PLXNA2: variants seen among roughly 807,000 people sequenced by gnomAD.
PLXNA2 encodes plexin A2.
PLXNA2 carries 91 observed loss-of-function variants against 193.5 expected under a neutral mutation model. That is an observed-to-expected ratio of 0.47 (90% CI 0.40 to 0.56). The LOEUF (loss-of-function observed/expected upper bound fraction) is 0.56. PLXNA2 is among the 20% of genes least tolerant of loss of function. The probability of loss-of-function intolerance (pLI) is 0.00; values close to 1 mark genes in which losing one functional copy is unlikely to be tolerated. For synonymous variants in PLXNA2, 997 were observed against 1,027.3 expected, an observed-to-expected ratio of 0.97 and a Z score of 0.56; for missense variants, 1,995 against 2,503.2, an observed-to-expected ratio of 0.80 and a Z score of 4.33.
intron 13 of PLXNA2, 118 bp from the exon 14 acceptor site, chr1:208,054,656 ACT>A (rs1665369573): frequency 1.4e-6 from 1 of 723,908 alleles, no homozygotes; most frequent in Admixed American, 2.1e-5. Context: ...CCAGACCAAG[ACT>A]CAGCTTGGTC....
intron 9 of PLXNA2, among the ~76,000 whole-genome samples, chr1:208,090,217 G>T (rs1311106587): frequency 2.0e-5 from 3 of 152,130 alleles, no homozygotes; most frequent in Non-Finnish European, 4.4e-5. Context: ...AGGGACCAAT[G>T]CACACGAGCA....
At chr1:208,088,237 G>A (rs547471916) in intron 9 of PLXNA2, among the ~76,000 whole-genome samples, 7 of 152,316 alleles carry the variant, frequency 4.6e-5, no homozygotes, top group African/African-American at 1.7e-4. Context: ...GGGAGAGCAG[G>A]GACCTGGTTT....
chr1:208,104,688 T>G (rs1430495743), intron 4 of PLXNA2, among the ~76,000 whole-genome samples: 2 of 152,040 alleles, frequency 1.3e-5, no homozygotes, highest in Non-Finnish European at 2.9e-5. Context: ...GGGAGAGAGA[T>G]GAGCCTGCCT....
At chr1:208,074,139 T>G (rs1050526912) in intron 12 of PLXNA2, among the ~76,000 whole-genome samples, 3 of 152,198 alleles carry the variant, frequency 2.0e-5, no homozygotes, top group Non-Finnish European at 4.4e-5. Context: ...AAATATTCAG[T>G]CTCTTCCTTT....
chr1:208,057,327 C>T (rs1458940283), intron 13 of PLXNA2, among the ~76,000 whole-genome samples: 2 of 152,138 alleles, frequency 1.3e-5, no homozygotes. Flanking sequence ...CAGGTCAGCT[C>T]GACTCCAGAG....
Position 208,027,294 on chromosome 1 carries a change from C to A in PLXNA2, c.5634G>T (p.Arg1878=). ...TGAGCTGCTCCACCTTATAAGCCAG[C>A]CGCTGCCGCCGTGCCTGCTCATCCT... The part of the protein sequence containing the change: ...LEQDEQARRQ[R]LAYKVEQLIN... Residue 1878 remains arginine (R), a synonymous_variant, in exon 32 of 32, where the codon CGG becomes CGT. Transcript: ENST00000367033. The A allele has an allele frequency of 6.2e-7, 1 of 1,613,574 alleles. No homozygotes were observed. The highest frequency in any genetic ancestry group is 8.5e-7 in the Non-Finnish European group (1 of 1,179,980).
chr1:208,153,714 G>T (rs939298394), intron 3 of PLXNA2, among the ~76,000 whole-genome samples: 4 of 152,210 alleles, frequency 2.6e-5, no homozygotes, highest in Admixed American at 6.5e-5. Context: ...TGAGGAACAG[G>T]GTAAGAGGAG....
intron 3 of PLXNA2, among the ~76,000 whole-genome samples, chr1:208,193,819 A>G (rs139920328): frequency 2.3e-4 from 35 of 152,248 alleles, no homozygotes; most frequent in African/African-American, 7.7e-4. Flanking sequence ...CTTAAGCACA[A>G]GAGATTGAGG....
chr1:208,152,668 T>TACACACAC (rs10564360), intron 3 of PLXNA2, among the ~76,000 whole-genome samples: 2 of 137,542 alleles, frequency 1.5e-5, no homozygotes, highest in Non-Finnish European at 3.1e-5. Flanking sequence ...TGCATACACA[T>TACACACAC]ACACACACAC....
At chr1:208,225,018 C>T (rs893321237) in intron 1 of PLXNA2, among the ~76,000 whole-genome samples, 8 of 152,124 alleles carry the variant, frequency 5.3e-5, no homozygotes, top group African/African-American at 1.7e-4. Context: ...ATACTCCAGG[C>T]GGTGAGGCAG....
Position 208,044,961 on chromosome 1 carries a change from G to A in PLXNA2, c.3639+106C>T. On this transcript the variant is annotated intron_variant, in intron 19 of 31. Transcript: ENST00000367033. This position sits in a 1 kb window ranked among gnomAD's most constrained non-coding sequence, Gnocchi z 4.9. The stretch of plus-strand genomic sequence containing the variant: ...TAGGACCCAGAGATGAGGAGATATG[G>A]AGGGGGTGAGTCAGGCAACGAGACA... 4 of 1,334,204 alleles carry A rather than the reference G, an allele frequency of 3.0e-6. No individual in the cohort carries two copies. The highest frequency in any genetic ancestry group is 4.6e-5 in the East Asian group (2 of 43,300). The allele number at this position is 1,334,204 out of a possible 1,614,324, so 82.6% of individuals were successfully genotyped here. A position where few individuals can be genotyped will look rare whatever the true frequency, so the allele number is the denominator to read the frequency against.
At chr1:208,128,095 G>A (rs528531916) in intron 4 of PLXNA2, among the ~76,000 whole-genome samples, 40 of 152,256 alleles carry the variant, frequency 2.6e-4, no homozygotes, top group African/African-American at 8.9e-4. Context: ...GCCAAGAACT[G>A]ACTAGATCAA....
At chr1:208,224,901 C>T (rs374831086) in intron 1 of PLXNA2, among the ~76,000 whole-genome samples, 3 of 152,112 alleles carry the variant, frequency 2.0e-5, no homozygotes, top group East Asian at 1.9e-4. Flanking sequence ...ATATGCGATT[C>T]GTTTCACAGG....
Position 208,042,259 on chromosome 1 carries a change from C to CA in PLXNA2, c.4124_4125insT (p.Gln1375HisfsTer29). ...CCCGGTCGCGCATGGAGAAACTGCG[C>CA]TGCAGCTCCAGGGTGCGGATGAAGG... On this transcript the variant is annotated frameshift_variant, in exon 22 of 32. Coordinates refer to ENST00000367033, the MANE Select transcript of PLXNA2 (RefSeq NM_025179.4). LOFTEE classifies it high-confidence loss of function. 1.2e-6 allele frequency: 2 copies of CA among 1,614,232 alleles called. No homozygotes were observed. The highest frequency in any genetic ancestry group is 1.7e-6 in the Non-Finnish European group (2 of 1,180,034).
At chr1:208,107,751 C>T (rs1667319075) in intron 4 of PLXNA2, among the ~76,000 whole-genome samples, 1 of 152,244 alleles carries the variant, frequency 6.6e-6, no homozygotes. Context: ...CCTGAGGCTC[C>T]TTGGCCCCCT....
Position 208,039,982 on chromosome 1 carries a change from C to T in PLXNA2, c.4353+10G>A. 9 of 1,613,740 alleles carry T rather than the reference C, an allele frequency of 5.6e-6. No individual in the cohort carries two copies. Among genetic ancestry groups the T allele is most frequent in the Non-Finnish European group, 7.6e-6 (9 of 1,179,636 alleles). On this transcript the variant is annotated intron_variant, in intron 23 of 31. Coordinates refer to ENST00000367033, the MANE Select transcript of PLXNA2 (RefSeq NM_025179.4). ...CTGGACGCTAGGCCCCGTCTCACTCCCTTTCTCACCTTTAGGAACTTGTGC... is the reference window on the plus strand; with the variant it reads ...CTGGACGCTAGGCCCCGTCTCACTCTCTTTCTCACCTTTAGGAACTTGTGC...
chr1:208,183,735 T>C (rs1313331417), intron 3 of PLXNA2, among the ~76,000 whole-genome samples: 1 of 152,020 alleles, frequency 6.6e-6, no homozygotes, highest in African/African-American at 2.4e-5. Flanking sequence ...GGGAATTTGG[T>C]TTATTCTGGG....
intron 3 of PLXNA2, among the ~76,000 whole-genome samples, chr1:208,147,421 A>G (rs1668634110): frequency 8.6e-6 from 1 of 116,950 alleles, no homozygotes; most frequent in Admixed American, 1.0e-4. Flanking sequence ...CCTTCTCAGG[A>G]GGGTTTTAAA....
intron 1 of PLXNA2, among the ~76,000 whole-genome samples, chr1:208,225,766 A>T (rs190685007): frequency 6.6e-6 from 1 of 152,350 alleles, no homozygotes; most frequent in African/African-American, 2.4e-5. Context: ...AGACATCCAC[A>T]TCCTCATCTG....
Sources: gnomAD v4.1 joint callset for allele counts (sites outside exome capture counted in the v4.1 genomes callset) on GRCh38, gnomAD v4.1.1 for gene constraint, Gnocchi (gnomAD v3.1) non-coding constraint, MANE v1.5 for transcripts, NCBI Gene and HGNC (gene_info 2026-07-23, HGNC 2026-07-21) for gene names.